SLC30A9: variants seen among roughly 807,000 people sequenced by gnomAD.
The protein encoded by SLC30A9 is solute carrier family 30 member 9.
Under a neutral mutation model 87.5 loss-of-function variants are expected in SLC30A9, and 58 were observed. That is an observed-to-expected ratio of 0.66 (90% CI 0.54 to 0.82). The LOEUF (loss-of-function observed/expected upper bound fraction) is 0.82. Ranked by LOEUF, SLC30A9 falls within the 40% of genes least tolerant of loss-of-function variation. SLC30A9 has a pLI of 0.00. For missense variants in SLC30A9, 557 were observed against 679.1 expected, an observed-to-expected ratio of 0.82 and a Z score of 2.00; for synonymous variants, 234 against 233.0, an observed-to-expected ratio of 1.00 and a Z score of -0.04.
intron 1 of SLC30A9, among the ~76,000 whole-genome samples, chr4:41,999,657 G>C (rs1411166886): frequency 1.3e-5 from 2 of 151,766 alleles, no homozygotes; most frequent in East Asian, 1.9e-4. Context: ...AAACAACCTG[G>C]CTTTTTCAAC....
At chr4:42,029,878 A>G in intron 6 of SLC30A9, 1 of 708,378 alleles carries the variant, frequency 1.4e-6, no homozygotes, top group Non-Finnish European at 2.7e-6. Context: ...GAAGATAAGG[A>G]TAAAAATAGA....
At chr4:42,030,328 G>C (rs578027022) in intron 6 of SLC30A9, among the ~76,000 whole-genome samples, 2 of 152,116 alleles carry the variant, frequency 1.3e-5, no homozygotes, top group Non-Finnish European at 2.9e-5. Flanking sequence ...ATATTCTACT[G>C]TAAATGACAA....
chr4:42,051,306 C>A (rs1348249513), intron 9 of SLC30A9, among the ~76,000 whole-genome samples: 1 of 152,102 alleles, frequency 6.6e-6, no homozygotes, highest in Non-Finnish European at 1.5e-5. Context: ...AGAACAAAGC[C>A]TCACATTCTT....
chr4:42,068,143 A>G (rs1230358744), intron 14 of SLC30A9, among the ~76,000 whole-genome samples: 1 of 151,976 alleles, frequency 6.6e-6, no homozygotes, highest in Non-Finnish European at 1.5e-5. Flanking sequence ...AAAAATGTAT[A>G]TGTAGCCCAC....
chr4:41,994,979 T>C (rs2153132043), intron 1 of SLC30A9, among the ~76,000 whole-genome samples: 1 of 152,168 alleles, frequency 6.6e-6, no homozygotes, highest in South Asian at 2.1e-4. Context: ...CATTTAGGGC[T>C]GGGTGTGGTG....
At chr4:42,044,533 G>A (rs1014168169) in intron 8 of SLC30A9, among the ~76,000 whole-genome samples, 17 of 152,240 alleles carry the variant, frequency 1.1e-4, no homozygotes, top group Non-Finnish European at 2.1e-4. Flanking sequence ...AAATATATAT[G>A]CACCCAATAG....
At chr4:42,004,666 T>TTTC (rs1269223163) in intron 2 of SLC30A9, among the ~76,000 whole-genome samples, 4 of 86,930 alleles carry the variant, frequency 4.6e-5, no homozygotes, top group Admixed American at 9.7e-5. Flanking sequence ...TTCTTTTTCT[T>TTTC]TTTTTTTTTT....
At chr4:42,045,124 C>T (rs1271409512) in intron 8 of SLC30A9, among the ~76,000 whole-genome samples, 2 of 151,912 alleles carry the variant, frequency 1.3e-5, no homozygotes, top group Non-Finnish European at 2.9e-5. Flanking sequence ...GATCTAAAAT[C>T]GATACCCTAA....
intron 2 of SLC30A9, among the ~76,000 whole-genome samples, chr4:42,016,271 A>C (rs1434690962): frequency 6.6e-6 from 1 of 152,192 alleles, no homozygotes; most frequent in Non-Finnish European, 1.5e-5. Flanking sequence ...AATATAATGG[A>C]AAATGTTTTA....
chr4:42,037,239 C>CTTTTTTTTTTTTTTTTTTTTTTTT (rs536795831), intron 7 of SLC30A9, among the ~76,000 whole-genome samples: 1 of 91,220 alleles, frequency 1.1e-5, no homozygotes, highest in Non-Finnish European at 2.1e-5. Context: ...TAAATGCCTT[C>CTTTTTTTTTTTTTTTTTTTTTTTT]TTTTTTTTTT....
At chr4:42,010,821 A>G (rs1315620118) in intron 2 of SLC30A9, among the ~76,000 whole-genome samples, 1 of 152,220 alleles carries the variant, frequency 6.6e-6, no homozygotes, top group Non-Finnish European at 1.5e-5. Flanking sequence ...AAAAAAAGAC[A>G]TGTTATATCA....
chr4:42,022,244 CTT>C (rs113214269), intron 4 of SLC30A9, among the ~76,000 whole-genome samples: 2 of 128,520 alleles, frequency 1.6e-5, no homozygotes, highest in African/African-American at 2.8e-5. Flanking sequence ...TTATTTTTCA[CTT>C]TTTTTTTTTT....
At chr4:42,041,370 C>T (rs7440705) in intron 8 of SLC30A9, among the ~76,000 whole-genome samples, 92,599 of 151,900 alleles carry the variant, frequency 0.61, 33,184 homozygotes, top group East Asian at 0.96. Context: ...CTGCAACCTC[C>T]GCCTCCCAGG....
chr4:42,025,919 C>T, intron 6 of SLC30A9, among the ~76,000 whole-genome samples: 1 of 152,116 alleles, frequency 6.6e-6, no homozygotes, highest in East Asian at 1.9e-4. Flanking sequence ...TCCCAAAGTG[C>T]TGGGATTACA....
intron 15 of SLC30A9, 28 bp from the exon 16 acceptor site, chr4:42,075,629 A>C (rs763158464): frequency 1.2e-6 from 2 of 1,600,540 alleles, no homozygotes; most frequent in Non-Finnish European, 8.6e-7. Flanking sequence ...TGTATAAATA[A>C]ATTTGTATGC....
chr4:42,061,021 C>A (rs1717825376), intron 10 of SLC30A9, among the ~76,000 whole-genome samples: 1 of 152,090 alleles, frequency 6.6e-6, no homozygotes, highest in Non-Finnish European at 1.5e-5. Flanking sequence ...GTGTTAATTA[C>A]CCATCATTAC....
intron 9 of SLC30A9, among the ~76,000 whole-genome samples, chr4:42,058,297 A>C (rs1423290712): frequency 6.6e-6 from 1 of 152,170 alleles, no homozygotes; most frequent in African/African-American, 2.4e-5. Context: ...CCTTTGCCCC[A>C]GTTTCCAACA....
Position 42,060,122 on chromosome 4 carries a change from A to G in SLC30A9, c.841-69A>G, listed in dbSNP as rs1717782995. 8.3e-6 allele frequency: 10 copies of G among 1,204,074 alleles called. No homozygotes were observed. In the South Asian group the frequency reaches 1.1e-4, roughly 13 times the overall value. 74.6% of individuals were successfully genotyped at this position (1,204,074 alleles called of 1,614,324 possible). A position where few individuals can be genotyped will look rare whatever the true frequency, so the allele number is the denominator to read the frequency against. ...GTCATTGTTAGCCTGCACCCTCCAC[A>G]TTGGCTTTACCATATTATACTCTCC... On this transcript the variant is annotated intron_variant, in intron 9 of 17. Coordinates refer to ENST00000264451, the MANE Select transcript of SLC30A9 (RefSeq NM_006345.4).
chr4:42,019,945 C>A (rs1287358492), intron 3 of SLC30A9, among the ~76,000 whole-genome samples: 1 of 152,040 alleles, frequency 6.6e-6, no homozygotes, highest in Admixed American at 6.6e-5. Flanking sequence ...AGGCACCCAC[C>A]ACCACACCTG....
Sources: allele counts gnomAD v4.1 joint callset (sites outside exome capture counted in the v4.1 genomes callset), GRCh38; gene constraint gnomAD v4.1.1; transcripts MANE v1.5; gene names NCBI Gene and HGNC (gene_info 2026-07-23, HGNC 2026-07-21).